Variants in ARL6 observed in about 807,000 individuals in gnomAD.
ARL6 encodes the protein ARF like GTPase 6.
A neutral mutation model predicts 27.1 loss-of-function variants in ARL6; 18 were observed. That is an observed-to-expected ratio of 0.66 (90% confidence interval 0.46 to 0.98). The LOEUF is 0.98. ARL6 is among the 50% of genes least tolerant of loss of function. ARL6 has a pLI of 0.00. For synonymous variants in ARL6, 65 were observed against 72.3 expected, an observed-to-expected ratio of 0.90 and a Z score of 0.51; for missense variants, 187 against 214.9, an observed-to-expected ratio of 0.87 and a Z score of 0.81.
chr3:97,776,804 G>A (rs974286868), intron 2 of ARL6, among the ~76,000 whole-genome samples: 2 of 151,948 alleles, frequency 1.3e-5, no homozygotes, highest in East Asian at 3.9e-4. Context: ...TTACAGGCAC[G>A]CGCCACCACA....
chr3:97,791,674 A>T, intron 6 of ARL6, 97 bp from the exon 7 acceptor site: 2 of 1,053,540 alleles, frequency 1.9e-6, no homozygotes, highest in Non-Finnish European at 2.9e-6. Flanking sequence ...ATGTTGTTAT[A>T]ATGTGTTAAT....
intron 2 of ARL6, among the ~76,000 whole-genome samples, chr3:97,771,614 T>TAGCTAAATATATATCCA (rs1361542784): frequency 0.012 from 1,795 of 152,242 alleles, 23 homozygotes; most frequent in African/African-American, 0.04. Context: ...GCTTTTAGTT[T>TAGCTAAATATATATCCA]TTCTCCATTC....
intron 2 of ARL6, among the ~76,000 whole-genome samples, chr3:97,769,211 C>T (rs959512036): frequency 3.9e-5 from 6 of 151,900 alleles, no homozygotes; most frequent in African/African-American, 1.4e-4. Context: ...ATTAAGCTAT[C>T]TTTATGTTTA....
chr3:97,770,717 T>G (rs1243517892), intron 2 of ARL6, among the ~76,000 whole-genome samples: 1 of 152,124 alleles, frequency 6.6e-6, no homozygotes, highest in Non-Finnish European at 1.5e-5. Context: ...TGGTGGGAGA[T>G]AGGGGTCTAG....
rs766151035 is a variant in ARL6, at chr3:97,787,992, A to G, written c.352A>G (p.Ile118Val). 1 of 1,613,314 alleles carries G rather than the reference A, an allele frequency of 6.2e-7. No individual in the cohort carries two copies. The highest frequency in any genetic ancestry group is 8.5e-7 in the Non-Finnish European group (1 of 1,179,494). The change falls in exon 6 of 8, where the codon ATT (isoleucine) becomes GTT (valine). Residue 118 changes from isoleucine to valine, a missense_variant and splice_region_variant. Coordinates refer to ENST00000463745, the MANE Select transcript of ARL6 (RefSeq NM_001278293.3). The stretch of plus-strand genomic sequence containing the variant: ...GATAATCTTATTTTCTCTTTTAGAT[A>G]TTAAACACCGTCGAATTCCAATCTT... The part of the protein sequence containing the change: ...ELDTLLNHPD[I>V]KHRRIPILFF...
At chr3:97,792,070 A>G in intron 7 of ARL6, 1 of 444,484 alleles carries the variant, frequency 2.2e-6, no homozygotes, top group South Asian at 3.6e-5. Context: ...TGACACATAT[A>G]GAAAACAATT....
At chr3:97,782,825 T>TA (rs530843518) in intron 4 of ARL6, among the ~76,000 whole-genome samples, 6,235 of 144,728 alleles carry the variant, frequency 0.043, 214 homozygotes, top group African/African-American at 0.097. Flanking sequence ...ACCATAGTAG[T>TA]AAAAAAAAAA....
chr3:97,770,961 C>T (rs948095357), intron 2 of ARL6, among the ~76,000 whole-genome samples: 4 of 151,910 alleles, frequency 2.6e-5, no homozygotes, highest in Non-Finnish European at 4.4e-5. Flanking sequence ...TGTGGTACCT[C>T]CAACTTTGTA....
At chr3:97,778,677 G>A (rs1266115871) in intron 2 of ARL6, among the ~76,000 whole-genome samples, 2 of 152,122 alleles carry the variant, frequency 1.3e-5, no homozygotes, top group East Asian at 1.9e-4. Flanking sequence ...AGCATTTACT[G>A]TGTTGAGTAT....
chr3:97,766,170 T>C (rs2036371395), intron 1 of ARL6: 1 of 152,194 alleles, frequency 6.6e-6, no homozygotes, highest in South Asian at 2.1e-4. Context: ...GGGGAAAATG[T>C]GAGAAGTTGT....
chr3:97,797,444 A>G (rs1225442526), intron 7 of ARL6, among the ~76,000 whole-genome samples: 1 of 152,170 alleles, frequency 6.6e-6, no homozygotes, highest in Non-Finnish European at 1.5e-5. Context: ...ATTGACAATG[A>G]CTATATTAGT....
chr3:97,792,940 AC>A (rs1171417272), intron 7 of ARL6, among the ~76,000 whole-genome samples: 1 of 151,868 alleles, frequency 6.6e-6, no homozygotes, highest in African/African-American at 2.4e-5. Context: ...TTCTACACAA[AC>A]CTTTTAATGC....
chr3:97,770,910 T>C (rs192183672), intron 2 of ARL6, among the ~76,000 whole-genome samples: 1 of 152,284 alleles, frequency 6.6e-6, no homozygotes, highest in African/African-American at 2.4e-5. Context: ...CTATGCTGTT[T>C]TGGTTATCAT....
chr3:97,772,517 G>T (rs938364450), intron 2 of ARL6, among the ~76,000 whole-genome samples: 11 of 145,426 alleles, frequency 7.6e-5, no homozygotes, highest in Non-Finnish European at 1.5e-4. Flanking sequence ...ATTTATTTTT[G>T]TTATGATCTT....
chr3:97,785,549 C>A (rs2037417717), intron 5 of ARL6, among the ~76,000 whole-genome samples: 1 of 151,582 alleles, frequency 6.6e-6, no homozygotes. Context: ...TGGGGACTAT[C>A]ATTGTTATTT....
chr3:97,783,439 C>G (rs2108046999), intron 4 of ARL6, among the ~76,000 whole-genome samples: 1 of 151,926 alleles, frequency 6.6e-6, no homozygotes, highest in East Asian at 1.9e-4. Context: ...AACCATTTCT[C>G]TACTCTAGGA....
At chr3:97,765,084 G>T (rs1418841696) in intron 1 of ARL6, 107 bp downstream of exon 1, 2 of 152,166 alleles carry the variant, frequency 1.3e-5, no homozygotes, top group Non-Finnish European at 2.9e-5. Context: ...GCGTGTAGTT[G>T]TTGCTAATGT....
At chr3:97,768,308 T>C in intron 2 of ARL6, 78 bp downstream of exon 2, 1 of 1,468,176 alleles carries the variant, frequency 6.8e-7, no homozygotes, top group South Asian at 1.2e-5. Context: ...TTATATGACG[T>C]TAAAACCGCA....
chr3:97,790,051 T>TTG (rs3058067), intron 6 of ARL6, among the ~76,000 whole-genome samples: 14,278 of 136,992 alleles, frequency 0.1, 829 homozygotes, highest in African/African-American at 0.17. Flanking sequence ...GGCATCATGA[T>TTG]TGTGTGTGTG....
Sources: allele counts gnomAD v4.1 joint callset (sites outside exome capture counted in the v4.1 genomes callset), GRCh38; gene constraint gnomAD v4.1.1; transcripts MANE v1.5; gene names NCBI Gene and HGNC (gene_info 2026-07-23, HGNC 2026-07-21).